Variants in TIAM1 observed in about 807,000 individuals in gnomAD.
The protein encoded by TIAM1 is rho guanine nucleotide exchange factor TIAM1.
Under a neutral mutation model 163.5 loss-of-function variants are expected in TIAM1, and 65 were observed. The ratio of observed to expected loss-of-function variants is 0.40; its 90% CI spans 0.33 to 0.49. The LOEUF (loss-of-function observed/expected upper bound fraction) is 0.49. Among genes scored for constraint, TIAM1 ranks in the 20% least tolerant of loss-of-function variants. TIAM1 has a pLI of 0.77. For synonymous variants in TIAM1, 833 were observed against 810.1 expected (o/e 1.03, Z -0.48); for missense variants, 1,789 against 2,044.7 (o/e 0.87, Z 2.41).
chr21:31,127,862 T>C (rs557699679), intron 25 of TIAM1, among the ~76,000 whole-genome samples: 21 of 152,302 alleles, frequency 1.4e-4, no homozygotes, highest in African/African-American at 4.8e-4. Flanking sequence ...AGGTAAGCCT[T>C]TGCTGTCTGT....
intron 1 of TIAM1, among the ~76,000 whole-genome samples, chr21:31,497,412 A>T (rs2046702392): frequency 6.6e-6 from 1 of 152,232 alleles, no homozygotes; most frequent in Non-Finnish European, 1.5e-5. Flanking sequence ...AAATAAAAAA[A>T]TGCAAAATGA....
chr21:31,545,675 C>T (rs2048463360), intron 1 of TIAM1, among the ~76,000 whole-genome samples: 1 of 152,156 alleles, frequency 6.6e-6, no homozygotes, highest in Admixed American at 6.5e-5. Flanking sequence ...TTGGTTCAAT[C>T]CCAGCCTGAA....
chr21:31,272,668 G>A (rs1258898913), intron 3 of TIAM1, among the ~76,000 whole-genome samples: 3 of 152,200 alleles, frequency 2.0e-5, no homozygotes, highest in East Asian at 1.9e-4. Flanking sequence ...CAAACAAAAC[G>A]AGCCTTAACT....
intron 2 of TIAM1, among the ~76,000 whole-genome samples, chr21:31,353,495 T>C (rs963339221): frequency 1.3e-5 from 2 of 152,198 alleles, no homozygotes; most frequent in African/African-American, 4.8e-5. Context: ...TTGATGACAA[T>C]GAGTTGCTGA....
At chr21:31,414,761 A>C (rs2043315378) in intron 2 of TIAM1, among the ~76,000 whole-genome samples, 1 of 152,220 alleles carries the variant, frequency 6.6e-6, no homozygotes, top group Admixed American at 6.5e-5. Context: ...GAGATCTGAG[A>C]ATCATTTCCT....
Position 31,395,982 on chromosome 21 carries a change from TA to T in TIAM1, c.-368-56561del, listed in dbSNP as rs1313563115. Among the ~76,000 whole-genome samples, 1 of 152,194 alleles carries T rather than the reference TA, an allele frequency of 6.6e-6. No homozygotes were observed. Among genetic ancestry groups the T allele is most frequent in the Non-Finnish European group, 1.5e-5 (1 of 68,030 alleles). ...ACAGGAACATGGCTTTTTTCCTCCG[TA>T]ATGGCTGTGAAATTGATTGGGATAT... On this transcript the variant is annotated intron_variant, in intron 2 of 28. Coordinates refer to the TIAM1 transcript ENST00000286827. This position sits in a 1 kb window ranked among gnomAD's most constrained non-coding sequence, Gnocchi z 7.5.
chr21:31,531,175 C>A (rs1351038478), intron 1 of TIAM1, among the ~76,000 whole-genome samples: 1 of 152,160 alleles, frequency 6.6e-6, no homozygotes, highest in African/African-American at 2.4e-5. Flanking sequence ...ACTGTTTACT[C>A]CCCCCTTCTC....
At chr21:31,130,767 G>T in intron 24 of TIAM1, 123 bp downstream of exon 24, 1 of 906,132 alleles carries the variant, frequency 1.1e-6, no homozygotes. Context: ...CCTTAGCAAT[G>T]CTTAAGAAAG....
At chr21:31,142,217 T>C (rs1402045629) in intron 20 of TIAM1, among the ~76,000 whole-genome samples, 1 of 150,458 alleles carries the variant, frequency 6.6e-6, no homozygotes, top group Non-Finnish European at 1.5e-5. Context: ...TCCCCTGAGC[T>C]GTTGGCCCTG....
At position 31,130,925 on chromosome 21, in the gene TIAM1, C is replaced by T; in HGVS notation, c.3907G>A (p.Val1303Met). The T allele has an allele frequency of 6.2e-7, 1 of 1,614,000 alleles. No individual in the cohort carries two copies. The highest frequency in any genetic ancestry group is 8.5e-7 in the Non-Finnish European group (1 of 1,179,966). Residue 1303 changes from valine (V) to methionine (M), a missense_variant, in exon 24 of 28, where the codon GTG (valine) becomes ATG (methionine). Val to Met is a conservative substitution (Grantham distance 21, BLOSUM62 1). Transcript: ENST00000541036. The part of the protein sequence containing the change: ...AFVFKTAVVL[V>M]YKDGSKQKKK... ...TTCTGTTTGGAACCATCTTTATACACAAGGACCACAGCAGTTTTGAAGACT... is the reference window on the plus strand; with the variant it reads ...TTCTGTTTGGAACCATCTTTATACATAAGGACCACAGCAGTTTTGAAGACT...
intron 16 of TIAM1, 64 bp downstream of exon 16, chr21:31,164,898 G>T: frequency 1.3e-6 from 2 of 1,517,254 alleles, no homozygotes; most frequent in South Asian, 2.3e-5. Flanking sequence ...CTGTGTAGGT[G>T]ACATTGTCAG....
intron 1 of TIAM1, among the ~76,000 whole-genome samples, chr21:31,342,132 T>C (rs1268477224): frequency 6.6e-6 from 1 of 151,984 alleles, no homozygotes; most frequent in Non-Finnish European, 1.5e-5. Flanking sequence ...AATGATCTAG[T>C]ATCTATTAAA....
chr21:31,495,073 A>C (rs1407138816), intron 1 of TIAM1, among the ~76,000 whole-genome samples: 1 of 152,154 alleles, frequency 6.6e-6, no homozygotes, highest in Non-Finnish European at 1.5e-5. Flanking sequence ...TGCATATATA[A>C]ATGTGTAGGA....
intron 4 of TIAM1, among the ~76,000 whole-genome samples, chr21:31,263,180 C>T (rs984777062): frequency 2.0e-5 from 3 of 151,542 alleles, no homozygotes; most frequent in African/African-American, 7.3e-5. Context: ...ATAATACTTC[C>T]GTGCATTTTA....
intron 1 of TIAM1, among the ~76,000 whole-genome samples, chr21:31,340,871 A>G (rs899915016): frequency 5.2e-4 from 72 of 138,134 alleles, no homozygotes; most frequent in African/African-American, 2.2e-3. Context: ...ACTGAGAGGA[A>G]AAAAAAAAAC....
chr21:31,286,987 A>C (rs2073834467), intron 2 of TIAM1, among the ~76,000 whole-genome samples: 1 of 152,222 alleles, frequency 6.6e-6, no homozygotes, highest in Non-Finnish European at 1.5e-5. Flanking sequence ...AATCATTTCA[A>C]GTTGTTTCAC....
chr21:31,482,060 A>AGTGTGTGT (rs10523425), intron 1 of TIAM1, among the ~76,000 whole-genome samples: 9,014 of 145,586 alleles, frequency 0.062, 297 homozygotes, highest in African/African-American at 0.089. Flanking sequence ...ACTGGGACAA[A>AGTGTGTGT]GTGTGTGTGT....
At chr21:31,409,755 C>G (rs1164621656) in intron 2 of TIAM1, among the ~76,000 whole-genome samples, 1 of 152,178 alleles carries the variant, frequency 6.6e-6, no homozygotes, top group African/African-American at 2.4e-5. Flanking sequence ...GGAAAAAAAT[C>G]CATGCTCTCC....
intron 2 of TIAM1, among the ~76,000 whole-genome samples, chr21:31,337,929 T>C (rs1263882285): frequency 1.3e-5 from 2 of 152,140 alleles, no homozygotes; most frequent in African/African-American, 2.4e-5. Context: ...AGTGAGTGCT[T>C]TGGCTCCGCT....
Sources: gnomAD v4.1 joint callset for allele counts (sites outside exome capture counted in the v4.1 genomes callset) on GRCh38, gnomAD v4.1.1 for gene constraint, Gnocchi (gnomAD v3.1) non-coding constraint, MANE v1.5 for transcripts, NCBI Gene and HGNC (gene_info 2026-07-23, HGNC 2026-07-21) for gene names.